NOTCH1: variants seen among roughly 807,000 people sequenced by gnomAD.
NOTCH1 encodes the protein notch receptor 1, also known as neurogenic locus notch homolog protein 1.
In NOTCH1, 37 loss-of-function variants were observed where a neutral mutation model predicts 254.8. That is an observed-to-expected ratio of 0.15 (90% CI 0.11 to 0.19). The LOEUF (loss-of-function observed/expected upper bound fraction) is 0.19, where lower values mean the gene tolerates loss of function less well. Among genes scored for constraint, NOTCH1 ranks in the 10% least tolerant of loss-of-function variants. NOTCH1 has a pLI of 1.00. For missense variants in NOTCH1, 2,972 were observed against 3,708.6 expected (o/e 0.80, Z 5.16); for synonymous variants, 1,731 against 1,618.1 (o/e 1.07, Z -1.68).
chr9:136,517,657 G>A (rs951581769), intron 8 of NOTCH1, 95 bp downstream of exon 8: 9 of 1,485,104 alleles, frequency 6.1e-6, no homozygotes, highest in Non-Finnish European at 7.4e-6. Flanking sequence ...TGGAGGCTGG[G>A]GAAAGCGGAA....
intron 33 of NOTCH1, 48 bp downstream of exon 33, chr9:136,498,851 G>T (rs1842954674): frequency 6.2e-7 from 1 of 1,601,780 alleles, no homozygotes. Flanking sequence ...TCACTTCTCT[G>T]TGGATTCAGC....
chr9:136,504,649 C>CCCCA, intron 26 of NOTCH1, 24 bp downstream of exon 26: 2 of 1,489,460 alleles, frequency 1.3e-6, no homozygotes, highest in Non-Finnish European at 1.8e-6. Flanking sequence ...CGGGGATTGA[C>CCCCA]CGTGGGCGCC....
rs1589062401 is a variant in NOTCH1, at chr9:136,510,395, T to C, written c.2740+258A>G. On this transcript the variant is annotated intron_variant, in intron 17 of 33. Transcript: ENST00000651671. ...GGGAGTGCAGGCCGGGCCCGAGCCA[T>C]CCTCGGCTCAGTGAAGAGCCGTGGG... 6 of 595,346 alleles carry C rather than the reference T, an allele frequency of 1.0e-5. No individual in the cohort carries two copies. In the East Asian group the frequency reaches 1.7e-4, roughly 17 times the overall value. 36.9% of individuals were successfully genotyped at this position (595,346 alleles called of 1,614,324 possible).
At position 136,507,083 on chromosome 9, in the gene NOTCH1, C is replaced by T. The variant is rs745876098; in HGVS notation, c.3644-110G>A. On this transcript the variant is annotated intron_variant, in intron 22 of 33. Transcript: ENST00000651671. Reference sequence around the variant, plus strand: ...TCAGGTCTGGGGCTGCACGGACACTCGGGAGAGGCAGGTGTCAAGGGTGCC... The same window carrying T: ...TCAGGTCTGGGGCTGCACGGACACTTGGGAGAGGCAGGTGTCAAGGGTGCC... 1.1e-5 allele frequency: 16 copies of T among 1,513,144 alleles called. No homozygotes were observed. In the Admixed American group the frequency reaches 1.4e-4, roughly 13 times the overall value. The allele number at this position is 1,513,144 out of a possible 1,614,324, so 93.7% of individuals were successfully genotyped here.
Position 136,506,660 on chromosome 9 carries a change from G to GTT in NOTCH1, c.3902-22_3902-21insAA. On this transcript the variant is annotated intron_variant, in intron 23 of 33. Coordinates refer to ENST00000651671, the MANE Select transcript of NOTCH1 (RefSeq NM_017617.5). This position sits in a 1 kb window ranked among gnomAD's most constrained non-coding sequence, Gnocchi z 4.5. The stretch of plus-strand genomic sequence containing the variant: ...GCGCCCTAGGGGTAAGAGCAGGGCA[G>GTT]TGAGAGGCTCACCCTGCTGCCCCAC... 1 of 1,600,422 alleles carries GTT rather than the reference G, an allele frequency of 6.2e-7. No homozygotes were observed. Among genetic ancestry groups the GTT allele is most frequent in the Admixed American group, 1.7e-5 (1 of 57,906 alleles).
intron 2 of NOTCH1, among the ~76,000 whole-genome samples, chr9:136,531,782 G>T (rs951880325): frequency 6.6e-6 from 1 of 152,228 alleles, no homozygotes; most frequent in African/African-American, 2.4e-5. Context: ...CGCCTGTCCC[G>T]GGAAACCACC....
Position 136,545,773 on chromosome 9 carries a change from A to G in NOTCH1, c.14T>C (p.Leu5Pro). MPPL[L>P]APLLCLALLP... is the part of the protein sequence containing the mutation. ...CAGCGCCAGGCAGAGCAGGGGCGCC[A>G]GGAGCGGCGGCATGCCTCCCCACCG... Residue 5 changes from leucine to proline, a missense_variant, in exon 1 of 34, where the codon CTG becomes CCG. This residue lies in a region of NOTCH1 where 374 missense variants were observed against 496.3 expected (regional missense o/e 0.75). Transcript: ENST00000651671. The surrounding 1 kb of genome is among the most constrained non-coding windows in gnomAD (Gnocchi z 6.8). 2.2e-6 allele frequency: 3 copies of G among 1,358,684 alleles called. No individual in the cohort carries two copies. The highest frequency in any genetic ancestry group is 2.8e-6 in the Non-Finnish European group (3 of 1,054,806). The allele number at this position is 1,358,684 out of a possible 1,614,324, so 84.2% of individuals were successfully genotyped here. A position where few individuals can be genotyped will look rare whatever the true frequency, so the allele number is the denominator to read the frequency against.
At position 136,507,884 on chromosome 9, in the gene NOTCH1, C is replaced by A. The variant is rs1182734808; in HGVS notation, c.3510+71G>T. 3.3e-6 allele frequency: 5 copies of A among 1,525,996 alleles called. No individual in the cohort carries two copies. The East Asian group carries it at 1.1e-4, about 34-fold the overall frequency. The allele number at this position is 1,525,996 out of a possible 1,614,324, so 94.5% of individuals were successfully genotyped here. On this transcript the variant is annotated intron_variant, in intron 21 of 33. Transcript: ENST00000651671. Reference sequence around the variant, plus strand: ...GGTTCAGTTTTCTCCACTGGGCCAGCTCCCAGCCAGGGCCTGGTGTGTGGC... The same window carrying A: ...GGTTCAGTTTTCTCCACTGGGCCAGATCCCAGCCAGGGCCTGGTGTGTGGC...
At position 136,505,599 on chromosome 9, in the gene NOTCH1, C is replaced by T. The variant is rs751904604; in HGVS notation, c.4297G>A (p.Gly1433Arg). 2.0e-5 allele frequency: 32 copies of T among 1,611,056 alleles called. No homozygotes were observed. Among genetic ancestry groups the T allele is most frequent in the Non-Finnish European group, 2.5e-5 (30 of 1,179,146 alleles). ...GGGATGTCGCGCCCGGCCCCACCCC[C>T]GAAGCTGTAGTCCAGGATGTGGCAC... ...LLCHILDYSF[G>R]GGAGRDIPPP... Residue 1433 changes from glycine to arginine, a missense_variant, in exon 25 of 34, where the codon GGG (glycine) becomes AGG (arginine). Coordinates refer to ENST00000651671, the MANE Select transcript of NOTCH1 (RefSeq NM_017617.5).
chr9:136,502,464 G>A lies in NOTCH1; in HGVS notation c.5192C>T (p.Pro1731Leu), dbSNP rs761345476. The A allele has an allele frequency of 8.1e-5, 129 of 1,584,628 alleles. No individual in the cohort carries two copies. The highest frequency in any genetic ancestry group is 1.4e-4 in the Admixed American group (8 of 57,634). ...VQSETVEPPP[P>L]AQLHFMYVAA... The stretch of plus-strand genomic sequence containing the variant: ...CACGTACATGAAGTGCAGCTGCGCC[G>A]GCGGGGGCGGCTCCACGGTCTCACC... Residue 1731 changes from proline (P) to leucine (L), a missense_variant, in exon 28 of 34, where the codon CCG becomes CTG. Transcript: ENST00000651671.
At chr9:136,544,457 C>G (rs73567936) in intron 1 of NOTCH1, among the ~76,000 whole-genome samples, 12,968 of 152,232 alleles carry the variant, frequency 0.085, 934 homozygotes, top group African/African-American at 0.2. Flanking sequence ...CGTTGCCCCC[C>G]ACCCTGGAGG....
Position 136,540,175 on chromosome 9 carries a change from A to C in NOTCH1, c.140+3849T>G, listed in dbSNP as rs570509749. On this transcript the variant is annotated intron_variant, in intron 2 of 33. Coordinates refer to ENST00000651671, the MANE Select transcript of NOTCH1 (RefSeq NM_017617.5). This position sits in a 1 kb window ranked among gnomAD's most constrained non-coding sequence, Gnocchi z 4.4. ...CCACCACCGGGCCGGCACACCCCCA[A>C]CATGTCCCACATGTGAGCTAGGTGC... Among the ~76,000 whole-genome samples the C allele has an allele frequency of 5.9e-5, 9 of 152,256 alleles. No homozygotes were observed. Among genetic ancestry groups the C allele is most frequent in the Admixed American group, 5.9e-4 (9 of 15,296 alleles).
intron 27 of NOTCH1, chr9:136,502,806 C>G (rs1843020081): frequency 5.3e-6 from 3 of 564,434 alleles, no homozygotes; most frequent in Non-Finnish European, 6.4e-6. Flanking sequence ...GAGGGATTTT[C>G]AAGATACAAA....
chr9:136,528,386 G>A (rs1843502633), intron 2 of NOTCH1, among the ~76,000 whole-genome samples: 2 of 134,902 alleles, frequency 1.5e-5, no homozygotes, highest in Non-Finnish European at 3.2e-5. Context: ...GGATGGGCAG[G>A]GACAGTGGGG....
At chr9:136,524,181 T>G (rs554130740) in intron 2 of NOTCH1, among the ~76,000 whole-genome samples, 1 of 152,164 alleles carries the variant, frequency 6.6e-6, no homozygotes, top group African/African-American at 2.4e-5. Flanking sequence ...ACTTTGGGAA[T>G]GTACTGAATG....
In NOTCH1 at chr9:136,504,734, G is replaced by T; in HGVS notation, c.4957C>A (p.Leu1653Ile). Reference protein sequence around the residue: ...ALLGQVKASLLPGGSEGGRRR... With the variant: ...ALLGQVKASLIPGGSEGGRRR... ...CGCCCACCCTCGCTGCCACCAGGGA[G>T]CAGCGAGGCCTTCACCTGGCCCAGC... Residue 1653 changes from leucine (L) to isoleucine (I), a missense_variant, in exon 26 of 34, where the codon CTC becomes ATC. This residue lies in a region of NOTCH1 where 1,343 missense variants were observed against 1,557.0 expected (regional missense o/e 0.86). Transcript: ENST00000651671. The T allele has an allele frequency of 6.5e-7, 1 of 1,544,196 alleles. No individual in the cohort carries two copies. Among genetic ancestry groups the T allele is most frequent in the East Asian group, 2.4e-5 (1 of 40,852 alleles).
At position 136,538,552 on chromosome 9, in the gene NOTCH1, G is replaced by A. The variant is rs1027898372; in HGVS notation, c.140+5472C>T. On this transcript the variant is annotated intron_variant, in intron 2 of 33. Transcript: ENST00000651671. ...CCTGGGAAACTCGAGGCCGTCAAAC[G>A]CAGCCCGGCCCACAGGTGTGATGCC... Among the ~76,000 whole-genome samples, 10 of 152,370 alleles carry A rather than the reference G, an allele frequency of 6.6e-5. No homozygotes were observed. The East Asian group carries it at 1.5e-3, about 23-fold the overall frequency.
Position 136,504,592 on chromosome 9 carries a change from C to T in NOTCH1, c.5018+81G>A, listed in dbSNP as rs1458024776. ...GGGAGAGTACTGCTTGCCATGGCGCCGGCCGTGAGGGGCAGGGAGGCCGTC... is the reference window on the plus strand; with the variant it reads ...GGGAGAGTACTGCTTGCCATGGCGCTGGCCGTGAGGGGCAGGGAGGCCGTC... On this transcript the variant is annotated intron_variant, in intron 26 of 33. Coordinates refer to ENST00000651671, the MANE Select transcript of NOTCH1 (RefSeq NM_017617.5). 9.4e-6 allele frequency: 13 copies of T among 1,378,390 alleles called. 1 individual carries two copies. The highest frequency in any genetic ancestry group is 2.6e-4 in the Middle Eastern group (1 of 3,802). 85.4% of individuals were successfully genotyped at this position (1,378,390 alleles called of 1,614,324 possible).
At chr9:136,538,823 T>A (rs1843691667) in intron 2 of NOTCH1, among the ~76,000 whole-genome samples, 1 of 152,136 alleles carries the variant, frequency 6.6e-6, no homozygotes, top group African/African-American at 2.4e-5. Flanking sequence ...GCGTCCTGAG[T>A]GTGGAGCTGT....
Sources: gnomAD v4.1 joint callset for allele counts (sites outside exome capture counted in the v4.1 genomes callset) on GRCh38, gnomAD v4.1.1 for gene constraint, gnomAD v4.1.1 regional missense constraint, Gnocchi (gnomAD v3.1) non-coding constraint, MANE v1.5 for transcripts, NCBI Gene and HGNC (gene_info 2026-07-23, HGNC 2026-07-21) for gene names.